The following NBPF3 variants were observed in gnomAD, a reference collection of about 807,000 sequenced individuals.
NBPF3 encodes the protein NBPF family member NBPF3.
A neutral mutation model predicts 78.1 loss-of-function variants in NBPF3; 57 were observed. The ratio of observed to expected loss-of-function variants is 0.73; its 90% CI spans 0.59 to 0.91. NBPF3 has a LOEUF of 0.91. Among genes scored for constraint, NBPF3 ranks in the 40% least tolerant of loss-of-function variants. NBPF3 has a pLI of 0.00. For missense variants in NBPF3, 510 were observed against 715.3 expected (o/e 0.71, Z 3.27); for synonymous variants, 182 against 271.7 (o/e 0.67, Z 3.25).
chr1:21,438,213 A>C (rs1640463565), upstream of NBPF3, among the ~76,000 whole-genome samples: 2 of 149,336 alleles, frequency 1.3e-5, no homozygotes, highest in Non-Finnish European at 3.0e-5. Context: ...CCTGGGTTCA[A>C]GCAATTCTCC....
chr1:21,476,269 T>C lies in NBPF3; in HGVS notation c.992+1318T>C, dbSNP rs1188966483. On this transcript the variant is annotated intron_variant, in intron 8 of 14. Transcript: ENST00000318249. This position sits in a 1 kb window ranked among gnomAD's most constrained non-coding sequence, Gnocchi z 4.1. ...TTTTAATTGGGGCATTTAGCCTATT[T>C]ACATTTCAGGTTACTATTGTTATGT... Among the ~76,000 whole-genome samples, 1 of 152,226 alleles carries C rather than the reference T, an allele frequency of 6.6e-6. No individual in the cohort carries two copies. Among genetic ancestry groups the C allele is most frequent in the Admixed American group, 6.5e-5 (1 of 15,282 alleles).
chr1:21,458,466 G>T (rs1470881093), intron 2 of NBPF3, among the ~76,000 whole-genome samples: 1 of 151,260 alleles, frequency 6.6e-6, no homozygotes, highest in Non-Finnish European at 1.5e-5. Context: ...GGCCTGCCAC[G>T]TATGGATGCT....
chr1:21,452,826 G>C (rs894158856), intron 2 of NBPF3, among the ~76,000 whole-genome samples: 2 of 152,130 alleles, frequency 1.3e-5, no homozygotes, highest in Non-Finnish European at 2.9e-5. Context: ...ACACATAATC[G>C]AGCAAGGCTG....
chr1:21,479,534 T>C, intron 10 of NBPF3, 134 bp downstream of exon 10: 1 of 824,902 alleles, frequency 1.2e-6, no homozygotes, highest in South Asian at 1.3e-5. Context: ...CTAACATTGC[T>C]TTTGGTTCTC....
intron 2 of NBPF3, among the ~76,000 whole-genome samples, chr1:21,464,739 G>A (rs866917715): frequency 6.6e-6 from 1 of 151,772 alleles, no homozygotes; most frequent in African/African-American, 2.4e-5. Context: ...CAGGTTCAGT[G>A]GCTAACTTCT....
chr1:21,439,204 G>T (rs1163648071), upstream of NBPF3, among the ~76,000 whole-genome samples: 4 of 152,148 alleles, frequency 2.6e-5, no homozygotes, highest in Admixed American at 2.0e-4. Context: ...GCTTGATCCT[G>T]GGAGGCAGAG....
intron 6 of NBPF3, among the ~76,000 whole-genome samples, chr1:21,473,150 T>C (rs1020209679): frequency 9.9e-5 from 15 of 152,232 alleles, no homozygotes; most frequent in African/African-American, 3.6e-4. Flanking sequence ...CCTCGGCTCC[T>C]ATCTGTCCAG....
At position 21,465,192 on chromosome 1, in the gene NBPF3, C is replaced by T. The variant is rs1299175898; in HGVS notation, c.134-3496C>T. Among the ~76,000 whole-genome samples, 3 of 152,314 alleles carry T rather than the reference C, an allele frequency of 2.0e-5. No homozygotes were observed. In the South Asian group the frequency reaches 6.2e-4, roughly 32 times the overall value. The stretch of plus-strand genomic sequence containing the variant: ...ACCTGAGATCTGGCTCCAGGACTTA[C>T]AACAAGGGGAACTTGGGCAAGTTAC... On this transcript the variant is annotated intron_variant, in intron 2 of 14. Coordinates refer to ENST00000318249, the MANE Select transcript of NBPF3 (RefSeq NM_032264.6).
At chr1:21,452,624 T>G (rs532174507) in intron 2 of NBPF3, among the ~76,000 whole-genome samples, 4 of 152,198 alleles carry the variant, frequency 2.6e-5, no homozygotes, top group Admixed American at 6.5e-5. Flanking sequence ...TCAGGCAGGT[T>G]TATTGAAAAG....
At chr1:21,461,279 C>T (rs374234396) in intron 2 of NBPF3, among the ~76,000 whole-genome samples, 8 of 21,164 alleles carry the variant, frequency 3.8e-4, no homozygotes, top group Middle Eastern at 0.045. Flanking sequence ...TAGTTACTTA[C>T]GCACAGTAGC....
At chr1:21,447,547 C>CT (rs1258269460) in intron 2 of NBPF3, among the ~76,000 whole-genome samples, 2 of 152,124 alleles carry the variant, frequency 1.3e-5, no homozygotes, top group African/African-American at 4.8e-5. Flanking sequence ...GCATTATGTA[C>CT]TTTAAGTTCC....
chr1:21,446,281 T>C (rs1325967726), intron 2 of NBPF3: 1 of 152,194 alleles, frequency 6.6e-6, no homozygotes, highest in East Asian at 1.9e-4. Context: ...AGAGACAGAA[T>C]GTGTGAATTT....
At chr1:21,437,333 G>A, upstream of NBPF3, 1 of 443,946 alleles carries the variant, frequency 2.3e-6, no homozygotes, top group Non-Finnish European at 4.0e-6. Context: ...GGCTTTGATT[G>A]GAGTTGTCCG....
intron 2 of NBPF3, among the ~76,000 whole-genome samples, chr1:21,467,866 T>C (rs1177373082): frequency 6.6e-6 from 1 of 152,116 alleles, no homozygotes; most frequent in East Asian, 1.9e-4. Flanking sequence ...GCTCTGGACA[T>C]AGGGATGTCA....
intron 2 of NBPF3, chr1:21,453,889 C>G (rs1641450426): frequency 1.3e-5 from 2 of 152,126 alleles, no homozygotes; most frequent in Non-Finnish European, 2.9e-5. Flanking sequence ...TGTAAATCTT[C>G]CTCCAGGCCT....
chr1:21,451,925 CAG>C, intron 2 of NBPF3: 2 of 905,906 alleles, frequency 2.2e-6, no homozygotes, highest in Non-Finnish European at 1.3e-6. Flanking sequence ...TACTCAAACA[CAG>C]AGAGCTTTTT....
chr1:21,440,600 CA>C (rs1640579904), intron 1 of NBPF3, among the ~76,000 whole-genome samples: 1 of 152,132 alleles, frequency 6.6e-6, no homozygotes, highest in African/African-American at 2.4e-5. Context: ...TGTGGCATCC[CA>C]GGGGGTGGAG....
chr1:21,479,792 ATCTCTC>A (rs374091070), intron 10 of NBPF3, among the ~76,000 whole-genome samples: 14 of 81,120 alleles, frequency 1.7e-4, no homozygotes, highest in African/African-American at 4.6e-4. Flanking sequence ...TGAGCTCACT[ATCTCTC>A]TCTCTCTCTC....
chr1:21,454,205 G>A (rs1641469211), intron 2 of NBPF3: 1 of 152,200 alleles, frequency 6.6e-6, no homozygotes, highest in Non-Finnish European at 1.5e-5. Context: ...GATGTTGAAA[G>A]TGTTTTCCTG....
Sources: allele counts gnomAD v4.1 joint callset (sites outside exome capture counted in the v4.1 genomes callset), GRCh38; gene constraint gnomAD v4.1.1; non-coding constraint Gnocchi (gnomAD v3.1); transcripts MANE v1.5; gene names NCBI Gene and HGNC (gene_info 2026-07-23, HGNC 2026-07-21).